Variants in CCDC192 observed in about 807,000 individuals in gnomAD.
CCDC192 encodes coiled-coil domain-containing protein 192.
At chr5:127,878,221 C>A (rs1752184030) in intron 6 of CCDC192, among the ~76,000 whole-genome samples, 1 of 152,220 alleles carries the variant, frequency 6.6e-6, no homozygotes, top group Non-Finnish European at 1.5e-5. Context: ...CATTTTTCCA[C>A]TAACTCTAGT....
intron 3 of CCDC192, among the ~76,000 whole-genome samples, chr5:127,790,256 C>G (rs1418543544): frequency 3.9e-5 from 6 of 152,158 alleles, no homozygotes; most frequent in African/African-American, 1.4e-4. Context: ...TTTCTCCCTT[C>G]TGGAATGGAA....
intron 6 of CCDC192, among the ~76,000 whole-genome samples, chr5:127,910,295 A>G (rs1225974327): frequency 6.6e-6 from 1 of 152,202 alleles, no homozygotes; most frequent in South Asian, 2.1e-4. Context: ...AGCTTTTGGC[A>G]TCTTCACTAA....
intron 5 of CCDC192, among the ~76,000 whole-genome samples, chr5:127,856,029 C>A (rs779393391): frequency 5.9e-5 from 9 of 152,144 alleles, no homozygotes; most frequent in Admixed American, 2.6e-4. Context: ...AGAGAGTGAG[C>A]CTGCCCCTTG....
At position 127,771,933 on chromosome 5, in the gene CCDC192, C is replaced by T. The variant is rs1002756123; in HGVS notation, c.222+17558C>T. Among the ~76,000 whole-genome samples, 7 of 152,216 alleles carry T rather than the reference C, an allele frequency of 4.6e-5. No homozygotes were observed. In the South Asian group the frequency reaches 1.5e-3, roughly 32 times the overall value. ...TCCTGTTGGTGTGGTTCCCGCCTTG[C>T]GTTTGAATCCCAGGTTCCACACAGG... On this transcript the variant is annotated intron_variant, in intron 3 of 6. Transcript: ENST00000514853.
intron 3 of CCDC192, among the ~76,000 whole-genome samples, chr5:127,780,417 G>A (rs993463100): frequency 6.6e-6 from 1 of 152,174 alleles, no homozygotes; most frequent in South Asian, 2.1e-4. Flanking sequence ...CATAGTGGTT[G>A]TACTAATTTA....
intron 6 of CCDC192, among the ~76,000 whole-genome samples, chr5:127,880,961 CAG>C (rs1752329176): frequency 6.6e-6 from 1 of 152,158 alleles, no homozygotes; most frequent in Non-Finnish European, 1.5e-5. Flanking sequence ...GCCTGGGTGA[CAG>C]AGTGAGATTC....
In CCDC192 at chr5:127,906,160, C is replaced by A. The variant is rs376753897; in HGVS notation, c.535+30499C>A. 1.6e-4 allele frequency among the ~76,000 whole-genome samples: 24 copies of A among 152,310 alleles called. No individual in the cohort carries two copies. In the East Asian group the frequency reaches 4.0e-3, roughly 26 times the overall value. On this transcript the variant is annotated intron_variant, in intron 6 of 6. Transcript: ENST00000514853. ...AACTTTTCCTTCTCTCAAACTGAAA[C>A]CCTCTGCCCACTGAAAAATAACTGC... is the stretch of plus-strand genomic sequence containing the variant.
intron 6 of CCDC192, among the ~76,000 whole-genome samples, chr5:127,921,067 C>G (rs1231933636): frequency 1.0e-5 from 1 of 100,024 alleles, no homozygotes; most frequent in African/African-American, 5.1e-5. Flanking sequence ...AAGGAGGAAG[C>G]AGGAAAGGAG....
At position 127,870,041 on chromosome 5, in the gene CCDC192, T is replaced by C. The variant is rs541680476; in HGVS notation, c.412-5497T>C. ...TATCAACTAGCTCCCCAAAACTTTATCAAATTAAATAAGAAAAAGCTACGT... is the reference window on the plus strand; with the variant it reads ...TATCAACTAGCTCCCCAAAACTTTACCAAATTAAATAAGAAAAAGCTACGT... On this transcript the variant is annotated intron_variant, in intron 5 of 6. Transcript: ENST00000514853. 3.3e-5 allele frequency among the ~76,000 whole-genome samples: 5 copies of C among 152,280 alleles called. No individual in the cohort carries two copies. In the South Asian group the frequency reaches 6.2e-4, roughly 19 times the overall value.
At chr5:127,851,869 T>C (rs1225256710) in intron 5 of CCDC192, among the ~76,000 whole-genome samples, 1 of 152,208 alleles carries the variant, frequency 6.6e-6, no homozygotes, top group Non-Finnish European at 1.5e-5. Context: ...CACACATCTG[T>C]CTAGCTATTG....
chr5:127,713,120 G>C (rs768969353), intron 2 of CCDC192, among the ~76,000 whole-genome samples: 5 of 152,020 alleles, frequency 3.3e-5, no homozygotes, highest in Non-Finnish European at 4.4e-5. Context: ...TGTAATCCCA[G>C]CTACTCGGGA....
At chr5:127,783,431 G>A (rs534906430) in intron 3 of CCDC192, among the ~76,000 whole-genome samples, 1 of 152,190 alleles carries the variant, frequency 6.6e-6, no homozygotes, top group Admixed American at 6.5e-5. Context: ...GCATGATTTT[G>A]AAGGTTTCTT....
chr5:127,749,898 C>A (rs988860544), intron 2 of CCDC192, among the ~76,000 whole-genome samples: 3 of 152,124 alleles, frequency 2.0e-5, no homozygotes, highest in African/African-American at 7.2e-5. Flanking sequence ...AGTTTATTTG[C>A]GTAGAGGTGT....
chr5:127,786,313 G>T (rs2126944271), intron 3 of CCDC192: 2 of 626,296 alleles, frequency 3.2e-6, no homozygotes, highest in Non-Finnish European at 5.9e-6. Flanking sequence ...AGTACTCTCT[G>T]TGACATAAAA....
intron 2 of CCDC192, among the ~76,000 whole-genome samples, chr5:127,719,831 G>GGA (rs1554068201): frequency 1.5e-5 from 1 of 66,814 alleles, no homozygotes. Context: ...TCAGAGGAAG[G>GGA]GGCGGGGGAG....
At chr5:127,778,137 A>G (rs934642475) in intron 3 of CCDC192, among the ~76,000 whole-genome samples, 12 of 152,188 alleles carry the variant, frequency 7.9e-5, no homozygotes, top group Non-Finnish European at 1.8e-4. Flanking sequence ...AGCTCTAGCT[A>G]GGACTTTCAG....
chr5:127,768,189 T>C (rs532106115), intron 3 of CCDC192, among the ~76,000 whole-genome samples: 93 of 151,852 alleles, frequency 6.1e-4, no homozygotes, highest in African/African-American at 2.2e-3. Context: ...GAGGCAGAGG[T>C]TGCAATGAGC....
intron 5 of CCDC192, among the ~76,000 whole-genome samples, chr5:127,837,586 A>G (rs1210928282): frequency 1.1e-4 from 2 of 18,112 alleles, no homozygotes; most frequent in Non-Finnish European, 1.6e-4. Flanking sequence ...ATCAGAATGT[A>G]AACACTTTGT....
intron 2 of CCDC192, among the ~76,000 whole-genome samples, chr5:127,723,730 A>G (rs571183355): frequency 1.3e-5 from 2 of 152,338 alleles, no homozygotes; most frequent in South Asian, 4.1e-4. Flanking sequence ...AACAGGGTAA[A>G]TAGCACAAGG....
Sources: allele counts gnomAD v4.1 joint callset (sites outside exome capture counted in the v4.1 genomes callset), GRCh38; gene constraint gnomAD v4.1.1; transcripts MANE v1.5; gene names NCBI Gene and HGNC (gene_info 2026-07-23, HGNC 2026-07-21).